The following FILIP1L variants were observed in gnomAD, a reference collection of about 807,000 sequenced individuals.
FILIP1L encodes the protein filamin A interacting protein 1 like.
Under a neutral mutation model 96.6 loss-of-function variants are expected in FILIP1L, and 55 were observed. The observed-to-expected ratio is 0.57, with a 90% CI of 0.46 to 0.71. FILIP1L has a LOEUF of 0.71. Ranked by LOEUF, FILIP1L falls within the 30% of genes least tolerant of loss-of-function variation. The pLI, the probability that FILIP1L is intolerant of heterozygous loss-of-function variation, is 0.00. For synonymous variants in FILIP1L, 467 were observed against 473.9 expected (o/e 0.99, Z 0.19); for missense variants, 1,304 against 1,321.2 (o/e 0.99, Z 0.20).
chr3:100,036,989 C>T (rs893395119), intron 1 of FILIP1L, among the ~76,000 whole-genome samples: 2 of 152,070 alleles, frequency 1.3e-5, no homozygotes, highest in Non-Finnish European at 2.9e-5. Flanking sequence ...TATCCTGAAA[C>T]ACATAAATAA....
chr3:99,935,837 T>C (rs1707647868), intron 1 of FILIP1L, among the ~76,000 whole-genome samples: 1 of 152,196 alleles, frequency 6.6e-6, no homozygotes. Context: ...GTTGAAATCA[T>C]GGTGTATCTT....
chr3:100,077,819 G>A (rs2065873524), intron 1 of FILIP1L, among the ~76,000 whole-genome samples: 2 of 152,046 alleles, frequency 1.3e-5, no homozygotes, highest in Non-Finnish European at 2.9e-5. Flanking sequence ...GAGACAGGAG[G>A]ATCACTTGAG....
chr3:100,003,893 G>A (rs1559721758), intron 1 of FILIP1L, among the ~76,000 whole-genome samples: 1 of 152,176 alleles, frequency 6.6e-6, no homozygotes, highest in Non-Finnish European at 1.5e-5. Flanking sequence ...AATATAAAGA[G>A]AGAAGGCATA....
chr3:99,832,187 G>A (rs919194195), intron 5 of FILIP1L, among the ~76,000 whole-genome samples: 3 of 151,826 alleles, frequency 2.0e-5, no homozygotes, highest in African/African-American at 7.3e-5. Context: ...TGGCAGCAAA[G>A]GCTTGTTATT....
At chr3:100,018,693 TA>T in intron 1 of FILIP1L, among the ~76,000 whole-genome samples, 1 of 131,834 alleles carries the variant, frequency 7.6e-6, no homozygotes, top group Non-Finnish European at 1.6e-5. Flanking sequence ...AAAGCAAGAA[TA>T]GATGAATGAA....
At chr3:100,097,209 C>T (rs984462372) in intron 1 of FILIP1L, among the ~76,000 whole-genome samples, 1 of 152,186 alleles carries the variant, frequency 6.6e-6, no homozygotes, top group African/African-American at 2.4e-5. Context: ...ATTCCAGTTG[C>T]CCTGAGATGA....
intron 4 of FILIP1L, among the ~76,000 whole-genome samples, chr3:99,922,153 G>C (rs1707145229): frequency 6.6e-6 from 1 of 152,192 alleles, no homozygotes; most frequent in African/African-American, 2.4e-5. Flanking sequence ...GCAACACTCT[G>C]ACCGTGATCA....
intron 1 of FILIP1L, among the ~76,000 whole-genome samples, chr3:99,954,295 A>G (rs567847162): frequency 1.7e-4 from 26 of 152,310 alleles, no homozygotes; most frequent in African/African-American, 6.0e-4. Context: ...CTGATACCCC[A>G]TCCTGCTGCC....
At chr3:100,070,246 G>A (rs1371322739) in intron 1 of FILIP1L, among the ~76,000 whole-genome samples, 2 of 152,156 alleles carry the variant, frequency 1.3e-5, no homozygotes, top group Non-Finnish European at 2.9e-5. Flanking sequence ...TAGATTTTGT[G>A]GGGAGGTCAG....
At chr3:100,060,229 A>G (rs538256110) in intron 1 of FILIP1L, among the ~76,000 whole-genome samples, 14 of 152,216 alleles carry the variant, frequency 9.2e-5, no homozygotes, top group South Asian at 4.2e-4. Context: ...TTGATCTACT[A>G]TTTTAGAAAA....
intron 1 of FILIP1L, among the ~76,000 whole-genome samples, chr3:100,104,050 C>G (rs1193024118): frequency 6.6e-6 from 1 of 152,188 alleles, no homozygotes; most frequent in Non-Finnish European, 1.5e-5. Context: ...ATTGGGGCTT[C>G]TAGCCATCCA....
intron 1 of FILIP1L, among the ~76,000 whole-genome samples, chr3:100,080,470 A>G (rs78724934): frequency 6.6e-6 from 1 of 152,158 alleles, no homozygotes; most frequent in Non-Finnish European, 1.5e-5. Flanking sequence ...GACAATTTCA[A>G]TTTTATAGTA....
chr3:100,036,567 A>G (rs1036937926), intron 1 of FILIP1L, among the ~76,000 whole-genome samples: 1 of 152,272 alleles, frequency 6.6e-6, no homozygotes, highest in African/African-American at 2.4e-5. Flanking sequence ...TCTTTACAGT[A>G]GAATGCCTAC....
chr3:99,998,856 A>G (rs1017950883), intron 1 of FILIP1L, among the ~76,000 whole-genome samples: 2 of 152,194 alleles, frequency 1.3e-5, no homozygotes, highest in Non-Finnish European at 2.9e-5. Flanking sequence ...GGCGTGAGCC[A>G]CCGCGCCCGG....
chr3:100,087,421 T>C (rs2066029034), intron 1 of FILIP1L, among the ~76,000 whole-genome samples: 1 of 152,304 alleles, frequency 6.6e-6, no homozygotes, highest in African/African-American at 2.4e-5. Flanking sequence ...TTTTCTTTTG[T>C]TTTTCTGGTC....
intron 5 of FILIP1L, among the ~76,000 whole-genome samples, chr3:99,840,251 C>G (rs1030745984): frequency 8.5e-6 from 1 of 117,246 alleles, no homozygotes; most frequent in Non-Finnish European, 1.7e-5. Context: ...TTTGAGACAG[C>G]CTTGCTCTGT....
intron 4 of FILIP1L, among the ~76,000 whole-genome samples, chr3:99,883,822 A>G (rs1438859468): frequency 2.0e-5 from 3 of 152,198 alleles, no homozygotes; most frequent in African/African-American, 4.8e-5. Flanking sequence ...TAATAACCCT[A>G]TGGGATAGAT....
At chr3:100,076,444 C>G (rs1233197232) in intron 1 of FILIP1L, among the ~76,000 whole-genome samples, 2 of 152,186 alleles carry the variant, frequency 1.3e-5, no homozygotes, top group Admixed American at 6.5e-5. Flanking sequence ...TGTGCTGAGC[C>G]CCTCTGATGG....
chr3:99,963,533 G>A (rs1037259470), intron 1 of FILIP1L, among the ~76,000 whole-genome samples: 5 of 152,054 alleles, frequency 3.3e-5, no homozygotes, highest in African/African-American at 9.7e-5. Context: ...TTGATTGAGC[G>A]GGATATTTAC....
Sources: allele counts gnomAD v4.1 joint callset (sites outside exome capture counted in the v4.1 genomes callset), GRCh38; gene constraint gnomAD v4.1.1; transcripts MANE v1.5; gene names NCBI Gene and HGNC (gene_info 2026-07-23, HGNC 2026-07-21).